TAFA1: variants seen among roughly 807,000 people sequenced by gnomAD.
The protein encoded by TAFA1 is TAFA chemokine like family member 1, also known as chemokine-like protein TAFA-1.
Under a neutral mutation model 18.5 loss-of-function variants are expected in TAFA1, and 4 were observed. The observed-to-expected ratio is 0.22, with a 90% CI of 0.11 to 0.49. The LOEUF (loss-of-function observed/expected upper bound fraction) is 0.49. TAFA1 is among the 20% of genes least tolerant of loss of function. The pLI, the probability that TAFA1 is intolerant of heterozygous loss-of-function variation, is 0.98. For missense variants in TAFA1, 147 were observed against 169.0 expected (o/e 0.87, Z 0.72); for synonymous variants, 56 against 55.2 (o/e 1.01, Z -0.06).
At chr3:68,349,684 G>A (rs2106771401) in intron 2 of TAFA1, among the ~76,000 whole-genome samples, 1 of 152,230 alleles carries the variant, frequency 6.6e-6, no homozygotes, top group African/African-American at 2.4e-5. Flanking sequence ...ATCGTGGGGA[G>A]AAAGCAACCA....
In TAFA1 at chr3:68,499,764, A is replaced by G. The variant is rs1232593626; in HGVS notation, c.260-38992A>G. ...TTCTAATATCTCACAGGTAGTTATT[A>G]GAAGCAAAGGGCAGTTTTGAAAATG... On this transcript the variant is annotated intron_variant, in intron 3 of 4. Transcript: ENST00000478136. Among the ~76,000 whole-genome samples, 3 of 151,922 alleles carry G rather than the reference A, an allele frequency of 2.0e-5. No homozygotes were observed. In the East Asian group the frequency reaches 5.8e-4, roughly 29 times the overall value.
chr3:68,283,637 AT>A (rs1168237264), intron 2 of TAFA1, among the ~76,000 whole-genome samples: 1 of 152,122 alleles, frequency 6.6e-6, no homozygotes, highest in African/African-American at 2.4e-5. Flanking sequence ...TGAGGACTTA[AT>A]TAGATTCAAA....
chr3:68,284,491 C>T (rs1403297446), intron 2 of TAFA1, among the ~76,000 whole-genome samples: 3 of 152,170 alleles, frequency 2.0e-5, no homozygotes, highest in African/African-American at 7.2e-5. Context: ...ACTAAACATG[C>T]ATCTTCAAAA....
At chr3:68,506,261 GCCACATTTTCTTTA>G (rs2072751825) in intron 3 of TAFA1, among the ~76,000 whole-genome samples, 1 of 152,028 alleles carries the variant, frequency 6.6e-6, no homozygotes, top group Non-Finnish European at 1.5e-5. Context: ...GTGTATATAT[GCCACATTTTCTTTA>G]TCCAGTCTAT....
chr3:68,147,037 GTGTA>G (rs1184487245), intron 2 of TAFA1, among the ~76,000 whole-genome samples: 124 of 150,092 alleles, frequency 8.3e-4, no homozygotes, highest in Non-Finnish European at 6.4e-4. Flanking sequence ...GTGTGTGTGT[GTGTA>G]TATATATATA....
At chr3:68,385,237 T>G (rs2070068501) in intron 2 of TAFA1, among the ~76,000 whole-genome samples, 1 of 152,136 alleles carries the variant, frequency 6.6e-6, no homozygotes, top group Non-Finnish European at 1.5e-5. Context: ...TGGAAAGAAC[T>G]GTTTTCAAGT....
intron 3 of TAFA1, among the ~76,000 whole-genome samples, chr3:68,520,167 C>G (rs1161123263): frequency 6.6e-6 from 1 of 152,028 alleles, no homozygotes; most frequent in African/African-American, 2.4e-5. Flanking sequence ...TGGGCTAGAG[C>G]CAACTTGAAA....
intron 2 of TAFA1, among the ~76,000 whole-genome samples, chr3:68,120,265 T>TTTCTTTC (rs1559527733): frequency 3.0e-5 from 4 of 135,484 alleles, no homozygotes; most frequent in African/African-American, 1.2e-4. Context: ...TTCTTTCTTT[T>TTTCTTTC]TTGAGACAGA....
rs1195821783 is a variant in TAFA1 at position 68,095,152 on chromosome 3, T to C, written c.118+88408T>C. On this transcript the variant is annotated intron_variant, in intron 2 of 4. Coordinates refer to ENST00000478136, the MANE Select transcript of TAFA1 (RefSeq NM_213609.4). ...TTTCCAAAGTGGGTTTACAGCTCCCTGGACACTCCTGTTCTTCCCACGTTT... is the reference window on the plus strand; with the variant it reads ...TTTCCAAAGTGGGTTTACAGCTCCCCGGACACTCCTGTTCTTCCCACGTTT... Among the ~76,000 whole-genome samples, 3 of 152,164 alleles carry C rather than the reference T, an allele frequency of 2.0e-5. No homozygotes were observed. The East Asian group carries it at 5.8e-4, about 29-fold the overall frequency.
intron 2 of TAFA1, among the ~76,000 whole-genome samples, chr3:68,323,685 T>C (rs535775692): frequency 2.0e-5 from 3 of 152,318 alleles, no homozygotes; most frequent in Admixed American, 6.5e-5. Context: ...TGTATATTCC[T>C]TTAACCTGTG....
chr3:68,397,863 C>A (rs2070414337), intron 2 of TAFA1, among the ~76,000 whole-genome samples: 1 of 152,142 alleles, frequency 6.6e-6, no homozygotes. Context: ...TGTGCAGAAG[C>A]TCTTCAGTTT....
intron 3 of TAFA1, among the ~76,000 whole-genome samples, chr3:68,447,595 A>C (rs150462781): frequency 2.0e-5 from 3 of 152,318 alleles, no homozygotes; most frequent in Non-Finnish European, 2.9e-5. Context: ...GCTCTAGACA[A>C]CAGTTAGATG....
At chr3:68,197,164 T>G (rs2066420167) in intron 2 of TAFA1, among the ~76,000 whole-genome samples, 2 of 151,772 alleles carry the variant, frequency 1.3e-5, no homozygotes, top group Admixed American at 1.3e-4. Context: ...GAAGTAAATG[T>G]GTAGTAATTT....
chr3:68,346,244 C>T (rs565671617), intron 2 of TAFA1, among the ~76,000 whole-genome samples: 1 of 152,212 alleles, frequency 6.6e-6, no homozygotes, highest in South Asian at 2.1e-4. Flanking sequence ...GCAGCCTCAC[C>T]CTCCTAAGCT....
At chr3:68,276,346 A>G (rs2067797301) in intron 2 of TAFA1, among the ~76,000 whole-genome samples, 1 of 152,146 alleles carries the variant, frequency 6.6e-6, no homozygotes, top group Admixed American at 6.6e-5. Flanking sequence ...GTTAGTCGCT[A>G]CTCAATAGTT....
upstream of TAFA1, among the ~76,000 whole-genome samples, chr3:68,003,621 AG>A (rs1269097905): frequency 6.6e-6 from 1 of 151,492 alleles, no homozygotes; most frequent in Non-Finnish European, 1.5e-5. Flanking sequence ...TGAAGAAGAA[AG>A]GGTTCAAACC....
chr3:68,534,864 C>G (rs2073248961), intron 3 of TAFA1, among the ~76,000 whole-genome samples: 1 of 151,648 alleles, frequency 6.6e-6, no homozygotes, highest in Admixed American at 6.6e-5. Flanking sequence ...GGAGGAGGAA[C>G]AGGGCTTAGA....
chr3:68,107,002 C>T (rs924809828), intron 2 of TAFA1, among the ~76,000 whole-genome samples: 2 of 152,088 alleles, frequency 1.3e-5, no homozygotes, highest in Admixed American at 6.6e-5. Flanking sequence ...TGTCAAAACA[C>T]CTTTGAAAAA....
chr3:68,074,355 G>T (rs1354877018), intron 2 of TAFA1, among the ~76,000 whole-genome samples: 1 of 152,102 alleles, frequency 6.6e-6, no homozygotes, highest in African/African-American at 2.4e-5. Flanking sequence ...TCCGTGGTCT[G>T]GGGATTGGGA....
Sources: gnomAD v4.1 joint callset for allele counts (sites outside exome capture counted in the v4.1 genomes callset) on GRCh38, gnomAD v4.1.1 for gene constraint, MANE v1.5 for transcripts, NCBI Gene and HGNC (gene_info 2026-07-23, HGNC 2026-07-21) for gene names.